The following NUP214 variants were observed in gnomAD, a reference collection of about 807,000 sequenced individuals.
The protein encoded by NUP214 is nucleoporin 214.
Under a neutral mutation model 196.2 loss-of-function variants are expected in NUP214, and 79 were observed. The observed-to-expected ratio is 0.40, with a 90% confidence interval of 0.34 to 0.49. The LOEUF (loss-of-function observed/expected upper bound fraction) is 0.49, where lower values mean the gene tolerates loss of function less well. NUP214 is among the 20% of genes least tolerant of loss of function. NUP214 has a pLI of 0.58. For missense variants in NUP214, 2,468 were observed against 2,539.0 expected (o/e 0.97, Z 0.60); for synonymous variants, 1,020 against 990.5 (o/e 1.03, Z -0.56).
At chr9:131,173,328 T>A (rs1833010091) in intron 21 of NUP214, among the ~76,000 whole-genome samples, 1 of 150,832 alleles carries the variant, frequency 6.6e-6, no homozygotes, top group Non-Finnish European at 1.5e-5. Flanking sequence ...AGTGCTGGGA[T>A]TACAGGCTTG....
intron 5 of NUP214, among the ~76,000 whole-genome samples, chr9:131,132,029 CGTTGCTGCTGCAAATGGT>C (rs1831562452): frequency 6.6e-6 from 1 of 151,956 alleles, no homozygotes; most frequent in African/African-American, 2.4e-5. Context: ...GTGCTAGTGG[CGTTGCTGCTGCAAATGGT>C]GTTGCATTGA....
intron 31 of NUP214, among the ~76,000 whole-genome samples, chr9:131,216,721 T>C (rs1039577418): frequency 2.0e-5 from 3 of 151,150 alleles, no homozygotes; most frequent in African/African-American, 7.3e-5. Context: ...GAGACGGGGT[T>C]TTACCATGTT....
intron 17 of NUP214, among the ~76,000 whole-genome samples, chr9:131,157,497 C>G (rs190152466): frequency 1.3e-3 from 178 of 132,888 alleles, no homozygotes; most frequent in African/African-American, 4.3e-3. Context: ...GAGAGTCTCA[C>G]TCTGTTGCCC....
chr9:131,184,401 T>C (rs542694302), intron 24 of NUP214, among the ~76,000 whole-genome samples: 1 of 151,192 alleles, frequency 6.6e-6, no homozygotes, highest in South Asian at 2.1e-4. Context: ...TGGCACAATC[T>C]TGGCTCACTG....
chr9:131,163,199 A>C (rs1233924498), intron 19 of NUP214, 26 bp downstream of exon 19: 1 of 1,580,528 alleles, frequency 6.3e-7, no homozygotes, highest in South Asian at 1.2e-5. Context: ...GCACTCAATA[A>C]ATATGGGTGA....
chr9:131,189,888 T>G (rs1833551307), intron 26 of NUP214: 1 of 153,110 alleles, frequency 6.5e-6, no homozygotes, highest in Admixed American at 6.5e-5. Context: ...TTTACAACAC[T>G]GTTGATTCTG....
At chr9:131,220,871 A>G (rs1432505215) in intron 31 of NUP214, among the ~76,000 whole-genome samples, 9 of 152,214 alleles carry the variant, frequency 5.9e-5, no homozygotes, top group African/African-American at 2.2e-4. Flanking sequence ...AAAAAGCCCA[A>G]AGACTTCTAA....
chr9:131,136,246 GC>G (rs1831725272), intron 9 of NUP214, among the ~76,000 whole-genome samples: 1 of 152,224 alleles, frequency 6.6e-6, no homozygotes, highest in African/African-American at 2.4e-5. Flanking sequence ...CGCCATGTTG[GC>G]CAGGCTGGTC....
chr9:131,173,936 G>A (rs1833027384), intron 21 of NUP214, 119 bp from the exon 22 acceptor site: 4 of 1,303,294 alleles, frequency 3.1e-6, no homozygotes, highest in Non-Finnish European at 4.2e-6. Context: ...CTTAAAATAA[G>A]TAATAATTAA....
chr9:131,233,940 A>C lies in NUP214; in HGVS notation c.*453A>C. Reference sequence around the variant, plus strand: ...GGTGGGTCATCTTTTTGAGGCTGAAACTTGGTTATCTCCTCTCCTTGTTCT... The same window carrying C: ...GGTGGGTCATCTTTTTGAGGCTGAACCTTGGTTATCTCCTCTCCTTGTTCT... On this transcript the variant is annotated 3_prime_UTR_variant, in exon 36 of 36. Transcript: ENST00000359428. The C allele has an allele frequency of 6.9e-6, 2 of 291,890 alleles. No homozygotes were observed. The highest frequency in any genetic ancestry group is 4.9e-5 in the Admixed American group (1 of 20,278). 18.1% of individuals were successfully genotyped at this position (291,890 alleles called of 1,614,324 possible).
chr9:131,210,957 A>G (rs1211472503), intron 30 of NUP214, among the ~76,000 whole-genome samples: 4 of 152,244 alleles, frequency 2.6e-5, no homozygotes, highest in African/African-American at 9.6e-5. Context: ...GTTGAAATTA[A>G]TGACAACCTA....
At chr9:131,174,434 TTTTTTTTTTTTTCTTTTTTTC>T in intron 22 of NUP214, 116 bp downstream of exon 22, 2 of 739,392 alleles carry the variant, frequency 2.7e-6, no homozygotes, top group Admixed American at 5.7e-5. Context: ...CCAGCCCACT[TTTTTTTTTTTTTCTTTTTTTC>T]TTTTTTTTTT....
intron 11 of NUP214, among the ~76,000 whole-genome samples, chr9:131,143,155 A>G (rs1213057418): frequency 6.6e-6 from 1 of 152,068 alleles, no homozygotes; most frequent in Admixed American, 6.6e-5. Context: ...TACAGGCACA[A>G]GCCATCACAC....
At chr9:131,222,329 T>C (rs1393566887) in intron 31 of NUP214, among the ~76,000 whole-genome samples, 1 of 152,240 alleles carries the variant, frequency 6.6e-6, no homozygotes, top group East Asian at 1.9e-4. Flanking sequence ...TTGTTCTAAC[T>C]TTAATTTCCC....
At chr9:131,201,821 T>C (rs1833949502) in intron 30 of NUP214, 104 bp downstream of exon 30, 1 of 967,598 alleles carries the variant, frequency 1.0e-6, no homozygotes. Flanking sequence ...ATCCAGCAAA[T>C]ATAGCCCTGT....
At chr9:131,144,857 T>A (rs541626519) in intron 12 of NUP214, 103 bp downstream of exon 12, 6 of 910,644 alleles carry the variant, frequency 6.6e-6, no homozygotes, top group Non-Finnish European at 9.8e-6. Context: ...CTGAGTAGAA[T>A]TTTTTTACCC....
chr9:131,198,394 G>A lies in NUP214; in HGVS notation c.4900G>A (p.Ala1634Thr). 6.2e-7 allele frequency: 1 copy of A among 1,614,274 alleles called. No individual in the cohort carries two copies. Among genetic ancestry groups the A allele is most frequent in the Non-Finnish European group, 8.5e-7 (1 of 1,180,046 alleles). Reference protein sequence around the residue: ...VAPGPSAEAAAFGTVTSGSSV... With the variant: ...VAPGPSAEAATFGTVTSGSSV... ...TCCCGGCCCATCTGCAGAGGCAGCA[G>A]CATTTGGTACCGTCACTTCTGGCTC... is the stretch of plus-strand genomic sequence containing the variant. The change falls in exon 29 of 36, where the codon GCA becomes ACA. Residue 1634 changes from alanine (A) to threonine (T), a missense_variant. By Grantham distance (58) the Ala-to-Thr change is moderately conservative (BLOSUM62 0). This residue lies in a region of NUP214 where 1,801 missense variants were observed against 1,779.4 expected (regional missense o/e 1.01). Transcript: ENST00000359428.
intron 10 of NUP214, 109 bp from the exon 11 acceptor site, chr9:131,140,440 A>G (rs1831875275): frequency 1.2e-6 from 1 of 853,998 alleles, no homozygotes; most frequent in Non-Finnish European, 1.8e-6. Context: ...TTGAGCTGCT[A>G]TTCAGATGAG....
Position 131,144,301 on chromosome 9 carries a change from C to T in NUP214, c.1316C>T (p.Thr439Ile). 6.2e-7 allele frequency: 1 copy of T among 1,613,816 alleles called. No individual in the cohort carries two copies. Among genetic ancestry groups the T allele is most frequent in the Non-Finnish European group, 8.5e-7 (1 of 1,179,926 alleles). ...KSPGSTPTTP[T>I]SSQAPQKLDA... ...GCAGGAAGTACTCCCACTACCCCAA[C>T]CTCCTCTCAAGCCCCACAGAAACTG... The change falls in exon 12 of 36, where the codon ACC (threonine) becomes ATC (isoleucine). Residue 439 changes from threonine (T) to isoleucine (I), a missense_variant. Coordinates refer to ENST00000359428, the MANE Select transcript of NUP214 (RefSeq NM_005085.4).
Sources: allele counts gnomAD v4.1 joint callset (sites outside exome capture counted in the v4.1 genomes callset), GRCh38; gene constraint gnomAD v4.1.1; regional missense constraint gnomAD v4.1.1; transcripts MANE v1.5; gene names NCBI Gene and HGNC (gene_info 2026-07-23, HGNC 2026-07-21).